The following OR3A2 variants were observed in gnomAD, a reference collection of about 807,000 sequenced individuals.
OR3A2 encodes the protein olfactory receptor 3A2.
For synonymous variants in OR3A2, 126 were observed against 159.3 expected (o/e 0.79, Z 1.57); for missense variants, 318 against 392.8 (o/e 0.81, Z 1.61).
At chr17:3,298,373 C>G (rs531121315) in intron 3 of OR3A2, 29 of 152,298 alleles carry the variant, frequency 1.9e-4, no homozygotes, top group African/African-American at 6.7e-4. Context: ...CAACTAAGTC[C>G]TTTATGCATC....
At chr17:3,378,427 G>A (rs771695218) in intron 2 of OR3A2, among the ~76,000 whole-genome samples, 8 of 152,222 alleles carry the variant, frequency 5.3e-5, no homozygotes, top group African/African-American at 1.7e-4. Context: ...GGAGAGGCCA[G>A]AGCAGAGCAG....
Position 3,369,556 on chromosome 17 carries a change from C to T in OR3A2, c.-179+14248G>A, listed in dbSNP as rs149035226. Among the ~76,000 whole-genome samples, 576 of 152,168 alleles carry T rather than the reference C, an allele frequency of 3.8e-3. 5 individuals are homozygous for T. Among genetic ancestry groups the T allele is most frequent in the African/African-American group, 0.013 (550 of 41,506 alleles). On this transcript the variant is annotated intron_variant, in intron 2 of 4. Transcript: ENST00000573491. ...ATTTATTGACTTATGTATGTTAAAC[C>T]ATCCTTGCATCCCTGGTATGAAACC...
intron 3 of OR3A2, chr17:3,291,850 C>T (rs1597321765): frequency 6.2e-7 from 1 of 1,614,048 alleles, no homozygotes; most frequent in Non-Finnish European, 8.5e-7. Flanking sequence ...AGGTGGGAGC[C>T]ACATGTGGAG....
At chr17:3,305,506 G>C (rs879646448) in intron 3 of OR3A2, among the ~76,000 whole-genome samples, 10 of 152,150 alleles carry the variant, frequency 6.6e-5, no homozygotes, top group South Asian at 2.1e-4. Flanking sequence ...CGAGATCCTT[G>C]CACAAATTAG....
upstream of OR3A2, among the ~76,000 whole-genome samples, chr17:3,285,511 G>A (rs1257873078): frequency 6.6e-6 from 1 of 152,190 alleles, no homozygotes; most frequent in African/African-American, 2.4e-5. Context: ...ATCTGTGGCT[G>A]TGTGTGGTGA....
rs566926780 is a variant in OR3A2, at chr17:3,371,042, C to T, written c.-179+12762G>A. On this transcript the variant is annotated intron_variant, in intron 2 of 4. Transcript: ENST00000573491. The stretch of plus-strand genomic sequence containing the variant: ...TTTCTACACAGACACGGCAACCATC[C>T]GATTTCTCAATCTTTTCCCCACCTT... Among the ~76,000 whole-genome samples the T allele has an allele frequency of 5.2e-3, 786 of 152,080 alleles. 8 individuals are homozygous for T. Among genetic ancestry groups the T allele is most frequent in the African/African-American group, 0.018 (749 of 41,518 alleles).
In OR3A2 at chr17:3,311,180, A is replaced by C. The variant is rs1164807783; in HGVS notation, c.-85+24853T>G. The C allele has an allele frequency of 1.9e-6, 1 of 537,744 alleles. No individual in the cohort carries two copies. The allele number at this position is 537,744 out of a possible 1,614,324, so 33.3% of individuals were successfully genotyped here. On this transcript the variant is annotated intron_variant, in intron 3 of 4. Coordinates refer to the OR3A2 transcript ENST00000573491. This position sits in a 1 kb window ranked among gnomAD's most constrained non-coding sequence, Gnocchi z 4.6. ...CTGTCATCAGCCCCATGCTGAACCC[A>C]CTCATCTACTGGACATCTCTGCTGG...
chr17:3,329,061 C>T (rs1256545342), intron 3 of OR3A2, among the ~76,000 whole-genome samples: 14 of 150,952 alleles, frequency 9.3e-5, no homozygotes, highest in East Asian at 3.9e-4. Flanking sequence ...GGGATGAAGC[C>T]CACTTGATCA....
intron 3 of OR3A2, among the ~76,000 whole-genome samples, chr17:3,330,842 A>G (rs986959002): frequency 6.6e-6 from 1 of 151,884 alleles, no homozygotes; most frequent in Non-Finnish European, 1.5e-5. Context: ...ATTTTGCAGC[A>G]GCTGGTACCG....
chr17:3,279,240 G>T, intron 1 of OR3A2, 87 bp from the exon 4 acceptor site: 2 of 421,922 alleles, frequency 4.7e-6, no homozygotes, highest in South Asian at 4.8e-5. Context: ...CGCCACAGGG[G>T]GGAAATGGGT....
rs199846490 is a variant in OR3A2, at chr17:3,292,580, C to A, written c.-84-13427G>T. ...TTCCATTGGCCCCAGATTCTGGCTG[C>A]ATGAGTTCCTGCAAAGAAACATCCA... On this transcript the variant is annotated intron_variant, in intron 3 of 4. Transcript: ENST00000573491. 5 of 1,597,800 alleles carry A rather than the reference C, an allele frequency of 3.1e-6. No homozygotes were observed. In the African/African-American group the frequency reaches 6.7e-5, roughly 22 times the overall value.
chr17:3,348,923 G>A (rs981438057), intron 2 of OR3A2, among the ~76,000 whole-genome samples: 1 of 152,054 alleles, frequency 6.6e-6, no homozygotes, highest in African/African-American at 2.4e-5. Flanking sequence ...TTCATATCCA[G>A]CCAAACTAAG....
At chr17:3,307,792 C>G (rs1390628868) in intron 3 of OR3A2, among the ~76,000 whole-genome samples, 9 of 152,092 alleles carry the variant, frequency 5.9e-5, no homozygotes, top group Admixed American at 5.2e-4. Flanking sequence ...GAACACTGAT[C>G]CAGGGATGAA....
chr17:3,372,224 T>G, intron 2 of OR3A2, among the ~76,000 whole-genome samples: 3 of 131,156 alleles, frequency 2.3e-5, no homozygotes, highest in African/African-American at 3.0e-5. Flanking sequence ...TCTCAGACGA[T>G]GGGCGGCCGG....
At chr17:3,348,331 C>T (rs1214622479) in intron 2 of OR3A2, among the ~76,000 whole-genome samples, 1 of 152,064 alleles carries the variant, frequency 6.6e-6, no homozygotes, top group Admixed American at 6.6e-5. Flanking sequence ...ATGCCTATGT[C>T]CTGAATGGTA....
intron 3 of OR3A2, among the ~76,000 whole-genome samples, chr17:3,307,545 T>C (rs10521124): frequency 0.17 from 25,282 of 152,218 alleles, 2,998 homozygotes; most frequent in African/African-American, 0.33. Flanking sequence ...AAGCCACCAT[T>C]AGATGTTAGT....
At chr17:3,382,541 GAAAACCCAAC>G (rs2049746338) in intron 2 of OR3A2, among the ~76,000 whole-genome samples, 1 of 152,194 alleles carries the variant, frequency 6.6e-6, no homozygotes, top group Non-Finnish European at 1.5e-5. Flanking sequence ...CTTCAGGTGA[GAAAACCCAAC>G]ATTTCTCTGC....
Position 3,299,804 on chromosome 17 carries a change from A to T in OR3A2, c.-84-20651T>A, listed in dbSNP as rs142931341. Among the ~76,000 whole-genome samples the T allele has an allele frequency of 2.0e-4, 31 of 152,306 alleles. No homozygotes were observed. In the East Asian group the frequency reaches 6.0e-3, roughly 29 times the overall value. ...AGCAACTCTGGCCTTCCATTTCTTC[A>T]TGTGTAAAAACAGAATAATATTTCC... On this transcript the variant is annotated intron_variant, in intron 3 of 4. Coordinates refer to the OR3A2 transcript ENST00000573491.
At chr17:3,326,705 C>A (rs1293631773) in intron 3 of OR3A2, among the ~76,000 whole-genome samples, 2 of 103,968 alleles carry the variant, frequency 1.9e-5, no homozygotes, top group East Asian at 8.3e-4. Context: ...CCTCCCCCCT[C>A]CCCCCACTCC....
Sources: gnomAD v4.1 joint callset for allele counts (sites outside exome capture counted in the v4.1 genomes callset) on GRCh38, gnomAD v4.1.1 for gene constraint, Gnocchi (gnomAD v3.1) non-coding constraint, MANE v1.5 for transcripts, NCBI Gene and HGNC (gene_info 2026-07-23, HGNC 2026-07-21) for gene names.